The following NSD1 variants were observed in gnomAD, a reference collection of about 807,000 sequenced individuals.
The protein encoded by NSD1 is histone-lysine N-methyltransferase, H3 lysine-36 specific.
A neutral mutation model predicts 242.7 loss-of-function variants in NSD1; 26 were observed. That is an observed-to-expected ratio of 0.11 (90% confidence interval 0.08 to 0.15). The LOEUF is 0.15. Ranked by LOEUF, NSD1 falls within the 10% of genes least tolerant of loss-of-function variation. The pLI is 1.00. For missense variants in NSD1, 2,495 were observed against 3,272.8 expected (o/e 0.76, Z 5.80); for synonymous variants, 1,106 against 1,178.1 (o/e 0.94, Z 1.25).
intron 2 of NSD1, among the ~76,000 whole-genome samples, chr5:177,143,468 C>T (rs1023459896): frequency 2.0e-5 from 3 of 151,752 alleles, no homozygotes; most frequent in African/African-American, 7.3e-5. Flanking sequence ...ATTACAGGTG[C>T]ATGCCACCAC....
rs565979456 is a variant in NSD1 at position 177,210,211 on chromosome 5, A to T, written c.1812A>T (p.Arg604=). ...PEGALISKCS[R]EKNKPQRSLV... is the part of the protein sequence containing the mutation. ...GTGCTTTGATCTCAAAGTGTTCTCG[A>T]GAGAAGAATAAACCCCAACGAAGCC... The change falls in exon 5 of 23, where the codon CGA becomes CGT. Residue 604 remains arginine, a synonymous_variant. Transcript: ENST00000439151. The T allele has an allele frequency of 1.3e-6, 2 of 1,596,294 alleles. No individual in the cohort carries two copies. The highest frequency in any genetic ancestry group is 4.5e-5 in the East Asian group (2 of 44,668).
At chr5:177,179,320 A>G (rs1760465704) in intron 2 of NSD1, among the ~76,000 whole-genome samples, 3 of 152,062 alleles carry the variant, frequency 2.0e-5, no homozygotes, top group Admixed American at 6.6e-5. Context: ...GGTTCAAGCA[A>G]TTCTCCTGCC....
intron 2 of NSD1, among the ~76,000 whole-genome samples, chr5:177,178,401 T>A (rs1291062999): frequency 6.6e-6 from 1 of 152,074 alleles, no homozygotes; most frequent in African/African-American, 2.4e-5. Flanking sequence ...TAATTTTGTA[T>A]TTTTAGTAGA....
chr5:177,266,331 T>C, intron 14 of NSD1: 1 of 718,468 alleles, frequency 1.4e-6, no homozygotes, highest in Non-Finnish European at 2.6e-6. Context: ...TCAGAGCTAC[T>C]GGAACACTCG....
chr5:177,272,155 A>G (rs1282237976), intron 16 of NSD1, among the ~76,000 whole-genome samples: 1 of 133,552 alleles, frequency 7.5e-6, no homozygotes, highest in Non-Finnish European at 1.6e-5. Context: ...ATCACCACCA[A>G]AAAAGAAAGA....
chr5:177,228,212 G>A (rs182680229), intron 5 of NSD1, among the ~76,000 whole-genome samples: 2 of 151,316 alleles, frequency 1.3e-5, no homozygotes, highest in Non-Finnish European at 2.9e-5. Flanking sequence ...GCACATTCAC[G>A]TAAGTTTTAT....
intron 2 of NSD1, among the ~76,000 whole-genome samples, chr5:177,143,112 G>T (rs918198321): frequency 6.6e-6 from 1 of 152,174 alleles, no homozygotes. Flanking sequence ...GGGAAGGGGA[G>T]TGAGTACATT....
Position 177,211,653 on chromosome 5 carries a change from C to G in NSD1, c.3254C>G (p.Pro1085Arg). Reference sequence around the variant, plus strand: ...TCATTGAGAGGTGGGGCAGAAGATCCTAGTAAAGAGGATCCCCTTCAGATA... The same window carrying G: ...TCATTGAGAGGTGGGGCAGAAGATCGTAGTAAAGAGGATCCCCTTCAGATA... ...GGSLRGGAED[P>R]SKEDPLQIMG... The change falls in exon 5 of 23, where the codon CCT becomes CGT. Residue 1085 changes from proline to arginine, a missense_variant. Around this residue, in one of 19 missense-constraint regions of NSD1, gnomAD observed 426 missense variants for 411.4 expected, o/e 1.04. Coordinates refer to ENST00000439151, the MANE Select transcript of NSD1 (RefSeq NM_022455.5). 1 of 1,613,990 alleles carries G rather than the reference C, an allele frequency of 6.2e-7. No individual in the cohort carries two copies.
intron 2 of NSD1, among the ~76,000 whole-genome samples, chr5:177,137,563 C>T (rs1463497206): frequency 6.6e-6 from 1 of 152,064 alleles, no homozygotes; most frequent in African/African-American, 2.4e-5. Flanking sequence ...TCTGAATTGT[C>T]CTACACATTA....
At chr5:177,196,757 A>G (rs1051489611) in intron 3 of NSD1, among the ~76,000 whole-genome samples, 3 of 152,238 alleles carry the variant, frequency 2.0e-5, no homozygotes, top group African/African-American at 7.2e-5. Flanking sequence ...TGACATCTGT[A>G]TGAAAGAGAC....
At chr5:177,172,761 C>T (rs1759818719) in intron 2 of NSD1, among the ~76,000 whole-genome samples, 1 of 151,848 alleles carries the variant, frequency 6.6e-6, no homozygotes, top group Non-Finnish European at 1.5e-5. Flanking sequence ...GACTTGGAGA[C>T]CAGCCTAGGC....
At chr5:177,281,726 C>T (rs1758903774) in intron 18 of NSD1, among the ~76,000 whole-genome samples, 1 of 152,184 alleles carries the variant, frequency 6.6e-6, no homozygotes, top group African/African-American at 2.4e-5. Flanking sequence ...CATCTCCGCT[C>T]ACTGCAACCT....
chr5:177,170,068 CA>C (rs766345327), intron 2 of NSD1, among the ~76,000 whole-genome samples: 47 of 151,918 alleles, frequency 3.1e-4, no homozygotes, highest in Admixed American at 1.3e-3. Flanking sequence ...ATCTCGGGTT[CA>C]CGCCATTCTC....
chr5:177,293,397 G>T (rs1324254308), intron 22 of NSD1, among the ~76,000 whole-genome samples: 1 of 151,994 alleles, frequency 6.6e-6, no homozygotes, highest in Non-Finnish European at 1.5e-5. Flanking sequence ...TAGCAAATAA[G>T]CAGGAATCTA....
In NSD1 at chr5:177,134,567, C is replaced by T. The variant is rs1217768008; in HGVS notation, c.-17-520C>T. 2.0e-5 allele frequency among the ~76,000 whole-genome samples: 3 copies of T among 152,206 alleles called. No individual in the cohort carries two copies. Among genetic ancestry groups the T allele is most frequent in the South Asian group, 2.1e-4 (1 of 4,836 alleles). ...GGTGCAGCCGCCTCGGCCGGCTCGC[C>T]TGCGGCCTGCGCACCGCCGCTGCAA... On this transcript the variant is annotated intron_variant, in intron 1 of 22. Transcript: ENST00000439151. This position sits in a 1 kb window ranked among gnomAD's most constrained non-coding sequence, Gnocchi z 4.2.
At chr5:177,151,192 C>T (rs776813082) in intron 2 of NSD1, among the ~76,000 whole-genome samples, 1 of 152,098 alleles carries the variant, frequency 6.6e-6, no homozygotes, top group African/African-American at 2.4e-5. Context: ...GCCTGGCTAA[C>T]GTGGCCAAAC....
At chr5:177,251,902 A>G (rs1249276409) in intron 12 of NSD1, 49 bp downstream of exon 12, 3 of 1,612,312 alleles carry the variant, frequency 1.9e-6, no homozygotes, top group Non-Finnish European at 1.7e-6. Context: ...TTGAATTTTA[A>G]GTTTTTCAGG....
At chr5:177,216,591 A>G (rs1035286682) in intron 5 of NSD1, among the ~76,000 whole-genome samples, 1 of 151,132 alleles carries the variant, frequency 6.6e-6, no homozygotes, top group African/African-American at 2.4e-5. Context: ...TAAAGAGACT[A>G]TCTTTTCCCC....
At chr5:177,161,845 T>A (rs143024611) in intron 2 of NSD1, among the ~76,000 whole-genome samples, 1,917 of 152,054 alleles carry the variant, frequency 0.013, 83 homozygotes, top group East Asian at 0.11. Context: ...GAGATGGGGT[T>A]TCACCATGTT....
Sources: gnomAD v4.1 joint callset for allele counts (sites outside exome capture counted in the v4.1 genomes callset) on GRCh38, gnomAD v4.1.1 for gene constraint, gnomAD v4.1.1 regional missense constraint, Gnocchi (gnomAD v3.1) non-coding constraint, MANE v1.5 for transcripts, NCBI Gene and HGNC (gene_info 2026-07-23, HGNC 2026-07-21) for gene names.